SLC35F1: variants seen among roughly 807,000 people sequenced by gnomAD.
SLC35F1 encodes solute carrier family 35 member F1, also known as chromosome 6 open reading frame 169.
SLC35F1 carries 14 observed loss-of-function variants against 48.7 expected under a neutral mutation model. The observed-to-expected ratio is 0.29, with a 90% confidence interval of 0.19 to 0.45. SLC35F1 has a LOEUF of 0.45. SLC35F1 is among the 20% of genes least tolerant of loss of function. The pLI, the probability that SLC35F1 is intolerant of heterozygous loss-of-function variation, is 1.00. For missense variants in SLC35F1, 404 were observed against 500.0 expected, an observed-to-expected ratio of 0.81 and a Z score of 1.83; for synonymous variants, 190 against 202.2, an observed-to-expected ratio of 0.94 and a Z score of 0.51.
intron 1 of SLC35F1, among the ~76,000 whole-genome samples, chr6:118,109,686 A>C (rs1292003673): frequency 6.6e-6 from 1 of 152,144 alleles, no homozygotes; most frequent in Non-Finnish European, 1.5e-5. Flanking sequence ...GAACCTGAAA[A>C]AAACATTAAG....
chr6:118,286,520 G>A (rs1281416812), intron 7 of SLC35F1, among the ~76,000 whole-genome samples: 1 of 152,188 alleles, frequency 6.6e-6, no homozygotes, highest in Non-Finnish European at 1.5e-5. Context: ...AGTTACAAAC[G>A]AAGCTAGTTA....
At chr6:118,151,541 G>A (rs541657099) in intron 1 of SLC35F1, among the ~76,000 whole-genome samples, 3 of 152,116 alleles carry the variant, frequency 2.0e-5, no homozygotes, top group Non-Finnish European at 4.4e-5. Flanking sequence ...AAGAGGTGGG[G>A]TCTTGCTCTG....
At chr6:118,019,617 GTCTCAAAAAAAAAAAGAAAT>G (rs1777367894) in intron 1 of SLC35F1, among the ~76,000 whole-genome samples, 1 of 150,846 alleles carries the variant, frequency 6.6e-6, no homozygotes, top group African/African-American at 2.5e-5. Flanking sequence ...GCAAGACTTC[GTCTCAAAAAAAAAAAGAAAT>G]GGGTAGTTGA....
At chr6:118,281,094 A>G (rs1031257164) in intron 6 of SLC35F1, among the ~76,000 whole-genome samples, 1 of 151,616 alleles carries the variant, frequency 6.6e-6, no homozygotes, top group Non-Finnish European at 1.5e-5. Flanking sequence ...AAAGAGAAAG[A>G]ACACAACTGA....
chr6:117,929,389 A>G (rs1223958109), intron 1 of SLC35F1, among the ~76,000 whole-genome samples: 1 of 151,684 alleles, frequency 6.6e-6, no homozygotes, highest in Non-Finnish European at 1.5e-5. Context: ...CTATCTATCT[A>G]TCTATCTACT....
intron 7 of SLC35F1, among the ~76,000 whole-genome samples, chr6:118,312,053 G>C (rs998852254): frequency 6.6e-6 from 1 of 152,158 alleles, no homozygotes; most frequent in Admixed American, 6.5e-5. Context: ...TAAGAAATGT[G>C]TCCAGAATTG....
chr6:118,102,958 G>C (rs1382167243), intron 1 of SLC35F1, among the ~76,000 whole-genome samples: 2 of 151,684 alleles, frequency 1.3e-5, no homozygotes, highest in African/African-American at 4.9e-5. Flanking sequence ...ATAGTCTGGA[G>C]TAAGTATTGC....
At chr6:117,910,396 C>G (rs1775746746) in intron 1 of SLC35F1, among the ~76,000 whole-genome samples, 1 of 152,232 alleles carries the variant, frequency 6.6e-6, no homozygotes, top group Non-Finnish European at 1.5e-5. Flanking sequence ...TCTAAGAACT[C>G]ACCATCTGCT....
At chr6:118,189,078 G>A (rs150547291) in intron 2 of SLC35F1, among the ~76,000 whole-genome samples, 1 of 151,934 alleles carries the variant, frequency 6.6e-6, no homozygotes, top group Non-Finnish European at 1.5e-5. Context: ...TGCCTGGCTA[G>A]TTTTTAAATT....
chr6:118,314,387 A>G lies in SLC35F1; in HGVS notation c.*135A>G. The G allele has an allele frequency of 1.4e-6, 1 of 720,762 alleles. No homozygotes were observed. Among genetic ancestry groups the G allele is most frequent in the Non-Finnish European group, 2.3e-6 (1 of 433,756 alleles). The allele number at this position is 720,762 out of a possible 1,614,324, so 44.6% of individuals were successfully genotyped here. A position where few individuals can be genotyped will look rare whatever the true frequency, so the allele number is the denominator to read the frequency against. On this transcript the variant is annotated 3_prime_UTR_variant, in exon 8 of 8. Transcript: ENST00000360388. ...GACTGCAAGGTAGCAAATCCTCCAA[A>G]AGCTTGTGAAAGGAACAAGCTCAAC...
At chr6:117,940,739 C>G (rs558570376) in intron 1 of SLC35F1, among the ~76,000 whole-genome samples, 41 of 152,144 alleles carry the variant, frequency 2.7e-4, no homozygotes, top group African/African-American at 8.7e-4. Context: ...GCCTCCACCT[C>G]CCAGGCTCAG....
intron 1 of SLC35F1, among the ~76,000 whole-genome samples, chr6:118,036,218 T>C (rs930687970): frequency 3.3e-5 from 5 of 152,316 alleles, no homozygotes; most frequent in Middle Eastern, 3.4e-3. Context: ...AATTTTGATA[T>C]GTTATAGTTT....
intron 7 of SLC35F1, among the ~76,000 whole-genome samples, chr6:118,295,014 G>C (rs1361746480): frequency 6.6e-6 from 1 of 152,086 alleles, no homozygotes; most frequent in Non-Finnish European, 1.5e-5. Flanking sequence ...AATCAGAAAA[G>C]TTTTTAAATG....
chr6:118,114,180 T>C (rs568921725), intron 1 of SLC35F1, among the ~76,000 whole-genome samples: 6 of 152,176 alleles, frequency 3.9e-5, no homozygotes, highest in Non-Finnish European at 7.4e-5. Context: ...AGTGACAGAA[T>C]TGGGGCTTGA....
At chr6:118,071,037 T>TACAC (rs376447006) in intron 1 of SLC35F1, among the ~76,000 whole-genome samples, 46 of 145,916 alleles carry the variant, frequency 3.2e-4, no homozygotes, top group South Asian at 8.6e-4. Flanking sequence ...TACGTGTATA[T>TACAC]ATATACACAT....
At chr6:117,961,184 A>G (rs1776493543) in intron 1 of SLC35F1, among the ~76,000 whole-genome samples, 2 of 152,198 alleles carry the variant, frequency 1.3e-5, no homozygotes, top group Non-Finnish European at 2.9e-5. Context: ...GGGAACCTCT[A>G]TAATGAACTC....
At chr6:118,304,586 C>G (rs888905108) in intron 7 of SLC35F1, among the ~76,000 whole-genome samples, 6 of 152,050 alleles carry the variant, frequency 3.9e-5, no homozygotes, top group South Asian at 2.1e-4. Context: ...TTGTGGTGAA[C>G]TTTTCAGAAA....
intron 3 of SLC35F1, among the ~76,000 whole-genome samples, chr6:118,263,959 C>T (rs1775742197): frequency 6.6e-6 from 1 of 152,226 alleles, no homozygotes; most frequent in Non-Finnish European, 1.5e-5. Context: ...TTAAATATTC[C>T]TGTCATTGAC....
intron 1 of SLC35F1, among the ~76,000 whole-genome samples, chr6:117,973,106 T>G (rs1490984010): frequency 1.3e-5 from 2 of 152,186 alleles, no homozygotes; most frequent in Non-Finnish European, 2.9e-5. Context: ...AAGTCCAAGA[T>G]CAAGGTGTCA....
Sources: allele counts gnomAD v4.1 joint callset (sites outside exome capture counted in the v4.1 genomes callset), GRCh38; gene constraint gnomAD v4.1.1; transcripts MANE v1.5; gene names NCBI Gene and HGNC (gene_info 2026-07-23, HGNC 2026-07-21).